The following FBXW11 variants were observed in gnomAD, a reference collection of about 807,000 sequenced individuals.
FBXW11 encodes the protein F-box and WD repeat domain containing 11.
A neutral mutation model predicts 77.6 loss-of-function variants in FBXW11; 19 were observed. The observed-to-expected ratio is 0.24, with a 90% CI of 0.17 to 0.36. The LOEUF is 0.36. Ranked by LOEUF, FBXW11 falls within the 10% of genes least tolerant of loss-of-function variation. The pLI, the probability that FBXW11 is intolerant of heterozygous loss-of-function variation, is 1.00. For synonymous variants in FBXW11, 235 were observed against 249.4 expected (o/e 0.94, Z 0.54); for missense variants, 334 against 704.2 (o/e 0.47, Z 5.95).
intron 10 of FBXW11, among the ~76,000 whole-genome samples, chr5:171,872,376 A>G (rs1400011636): frequency 6.6e-6 from 1 of 152,236 alleles, no homozygotes; most frequent in Non-Finnish European, 1.5e-5. Context: ...TAGATATTGA[A>G]GGGATGTTCT....
At position 172,006,473 on chromosome 5, in the gene FBXW11, C is replaced by T. The variant is rs745655981; in HGVS notation, c.30G>A (p.Lys10=). 3 of 1,556,984 alleles carry T rather than the reference C, an allele frequency of 1.9e-6. No homozygotes were observed. Among genetic ancestry groups the T allele is most frequent in the Non-Finnish European group, 2.6e-6 (3 of 1,154,158 alleles). The part of the protein sequence containing the change: MEPDSVIED[K]TIELMCSVPR... The stretch of plus-strand genomic sequence containing the variant: ...CCGCACTCACCATGAGCTCGATGGT[C>T]TTGTCCTCAATCACCGAGTCGGGCT... The change falls in exon 1 of 14, where the codon AAG becomes AAA. Residue 10 remains lysine, a synonymous_variant. Transcript: ENST00000517395.
At chr5:171,976,670 G>A (rs1277871772) in intron 1 of FBXW11, among the ~76,000 whole-genome samples, 1 of 152,108 alleles carries the variant, frequency 6.6e-6, no homozygotes, top group African/African-American at 2.4e-5. Context: ...TCCATCTTCT[G>A]CTGGGATAAT....
At chr5:171,892,318 C>T (rs1054123714) in intron 6 of FBXW11, among the ~76,000 whole-genome samples, 6 of 152,150 alleles carry the variant, frequency 3.9e-5, no homozygotes, top group African/African-American at 1.4e-4. Flanking sequence ...GTTAAATGAT[C>T]CATACAATAA....
At chr5:172,006,347 TCGAGGCGTCTGGGA>T (rs1426914400) in intron 1 of FBXW11, 97 bp downstream of exon 1, 6 of 964,138 alleles carry the variant, frequency 6.2e-6, no homozygotes, top group Non-Finnish European at 7.3e-6. Flanking sequence ...CGGGTCTGGG[TCGAGGCGTCTGGGA>T]AGGGCCAGAG....
intron 1 of FBXW11, among the ~76,000 whole-genome samples, chr5:171,961,226 C>G (rs1763892248): frequency 1.3e-5 from 2 of 152,188 alleles, no homozygotes; most frequent in Non-Finnish European, 1.5e-5. Flanking sequence ...AGCACCCAAG[C>G]TGGTGTGTGA....
intron 7 of FBXW11, among the ~76,000 whole-genome samples, chr5:171,883,933 T>C (rs4868128): frequency 0.04 from 6,150 of 152,354 alleles, 208 homozygotes; most frequent in Admixed American, 0.1. Flanking sequence ...TTGTAGATTC[T>C]GGATATTAGT....
At chr5:171,888,855 C>T (rs1230882931) in intron 7 of FBXW11, among the ~76,000 whole-genome samples, 1 of 152,092 alleles carries the variant, frequency 6.6e-6, no homozygotes, top group Non-Finnish European at 1.5e-5. Flanking sequence ...GAAATAGAAA[C>T]TGTAAAATAT....
chr5:171,992,504 GAGAA>G lies in FBXW11; in HGVS notation c.45+13950_45+13953del, dbSNP rs1331164596. On this transcript the variant is annotated intron_variant, in intron 1 of 13. Coordinates refer to ENST00000517395, the MANE Select transcript of FBXW11 (RefSeq NM_001378974.1). Reference sequence around the variant, plus strand: ...GAAAGAAAGGAAGAAAGAAAAGAGAGAGAAAGAAAGAGAAAGAGAAAAAGAAAAA... The same window carrying G: ...GAAAGAAAGGAAGAAAGAAAAGAGAGAGAAAGAGAAAGAGAAAAAGAAAAA... Among the ~76,000 whole-genome samples the G allele has an allele frequency of 1.3e-4, 20 of 151,474 alleles. No homozygotes were observed. In the South Asian group the frequency reaches 3.3e-3, roughly 25 times the overall value.
intron 1 of FBXW11, among the ~76,000 whole-genome samples, chr5:172,000,977 GT>G (rs1488085279): frequency 1.3e-5 from 2 of 152,128 alleles, no homozygotes; most frequent in African/African-American, 4.8e-5. Flanking sequence ...AGTTTCCTCA[GT>G]TCTTTGCTAA....
At chr5:171,958,604 T>A (rs1233987568) in intron 1 of FBXW11, among the ~76,000 whole-genome samples, 1 of 152,190 alleles carries the variant, frequency 6.6e-6, no homozygotes, top group Non-Finnish European at 1.5e-5. Context: ...GATCCTCTTT[T>A]AAAAGCTTGC....
chr5:172,006,279 G>A (rs559800073), intron 1 of FBXW11, among the ~76,000 whole-genome samples, 179 bp downstream of exon 1: 3 of 152,316 alleles, frequency 2.0e-5, no homozygotes, highest in East Asian at 3.9e-4. Flanking sequence ...ACCGGCCGGA[G>A]ATGTCGAGGG....
chr5:171,874,294 C>CAAA (rs2113768510), intron 9 of FBXW11, among the ~76,000 whole-genome samples: 1 of 152,294 alleles, frequency 6.6e-6, no homozygotes, highest in East Asian at 1.9e-4. Context: ...CAAGGGAATG[C>CAAA]AAAGCAAAAC....
intron 1 of FBXW11, among the ~76,000 whole-genome samples, chr5:171,967,883 T>TATACACAC (rs1244744249): frequency 2.7e-5 from 2 of 74,978 alleles, no homozygotes; most frequent in African/African-American, 1.2e-4. Context: ...TATATATATA[T>TATACACAC]ACACACACAC....
intron 6 of FBXW11, among the ~76,000 whole-genome samples, chr5:171,892,205 A>T (rs974089669): frequency 1.1e-4 from 17 of 152,240 alleles, no homozygotes; most frequent in African/African-American, 3.4e-4. Context: ...GGCACTGAGG[A>T]TAAAAAGATC....
chr5:171,982,428 C>T (rs1052987537), intron 1 of FBXW11, among the ~76,000 whole-genome samples: 4 of 152,080 alleles, frequency 2.6e-5, no homozygotes, highest in Non-Finnish European at 5.9e-5. Flanking sequence ...AGGAATGCAC[C>T]ACCACCCAGC....
chr5:171,876,140 A>G lies in FBXW11; in HGVS notation c.1221+145T>C, dbSNP rs986749491. On this transcript the variant is annotated intron_variant, in intron 9 of 13. Coordinates refer to ENST00000517395, the MANE Select transcript of FBXW11 (RefSeq NM_001378974.1). This position sits in a 1 kb window ranked among gnomAD's most constrained non-coding sequence, Gnocchi z 4.2. ...ACCTTGCCTACAACTCTACAGATATACAGAGTGGGATGGCCTCAAGGGTTC... is the reference window on the plus strand; with the variant it reads ...ACCTTGCCTACAACTCTACAGATATGCAGAGTGGGATGGCCTCAAGGGTTC... 4 of 898,462 alleles carry G rather than the reference A, an allele frequency of 4.5e-6. No individual in the cohort carries two copies. The highest frequency in any genetic ancestry group is 6.8e-6 in the Non-Finnish European group (4 of 585,888). The allele number at this position is 898,462 out of a possible 1,614,324, so 55.7% of individuals were successfully genotyped here. A position where few individuals can be genotyped will look rare whatever the true frequency, so the allele number is the denominator to read the frequency against.
At chr5:171,957,732 G>C (rs1561721507) in intron 1 of FBXW11, 34 bp from the exon 2 acceptor site, 6 of 1,555,986 alleles carry the variant, frequency 3.9e-6, no homozygotes, top group Non-Finnish European at 5.3e-6. Flanking sequence ...AAGAGAAGAA[G>C]CAGTTAGAGG....
chr5:171,981,021 C>A (rs1361276656), intron 1 of FBXW11, among the ~76,000 whole-genome samples: 2 of 152,044 alleles, frequency 1.3e-5, no homozygotes, highest in Non-Finnish European at 2.9e-5. Flanking sequence ...ACTGCCCCCA[C>A]CACCATCTCC....
intron 7 of FBXW11, among the ~76,000 whole-genome samples, chr5:171,887,594 C>CA (rs1035048910): frequency 4.6e-5 from 7 of 151,548 alleles, no homozygotes; most frequent in South Asian, 2.1e-4. Context: ...GGCAAGGGGT[C>CA]AAAATGTGAA....
Sources: allele counts gnomAD v4.1 joint callset (sites outside exome capture counted in the v4.1 genomes callset), GRCh38; gene constraint gnomAD v4.1.1; non-coding constraint Gnocchi (gnomAD v3.1); transcripts MANE v1.5; gene names NCBI Gene and HGNC (gene_info 2026-07-23, HGNC 2026-07-21).